The following ELAPOR2 variants were observed in gnomAD, a reference collection of about 807,000 sequenced individuals.
The protein encoded by ELAPOR2 is endosome-lysosome associated apoptosis and autophagy regulator family member 2.
Under a neutral mutation model 120.7 loss-of-function variants are expected in ELAPOR2, and 89 were observed. The observed-to-expected ratio is 0.74, with a 90% CI of 0.62 to 0.88. The LOEUF is 0.88. Ranked by LOEUF, ELAPOR2 falls within the 40% of genes least tolerant of loss-of-function variation. ELAPOR2 has a pLI of 0.00. For missense variants in ELAPOR2, 1,134 were observed against 1,251.6 expected, an observed-to-expected ratio of 0.91 and a Z score of 1.42; for synonymous variants, 444 against 444.9, an observed-to-expected ratio of 1.00 and a Z score of 0.03.
At chr7:86,941,513 C>G (rs1449850559) in intron 5 of ELAPOR2, 1 of 400,632 alleles carries the variant, frequency 2.5e-6, no homozygotes, top group African/African-American at 2.1e-5. Flanking sequence ...ACAGAGCTGT[C>G]CAACAAATGG....
intron 1 of ELAPOR2, among the ~76,000 whole-genome samples, chr7:87,040,745 G>A (rs377381080): frequency 3.9e-5 from 6 of 152,222 alleles, no homozygotes; most frequent in African/African-American, 9.6e-5. Context: ...CACCAGCAAC[G>A]GAACAAAGCT....
At chr7:87,019,002 A>C (rs987353790) in intron 1 of ELAPOR2, among the ~76,000 whole-genome samples, 10 of 152,240 alleles carry the variant, frequency 6.6e-5, no homozygotes, top group African/African-American at 2.4e-4. Flanking sequence ...AGCAAGGCAG[A>C]AACTTCTAGA....
intron 2 of ELAPOR2, among the ~76,000 whole-genome samples, chr7:86,955,418 T>C (rs1177236235): frequency 6.6e-6 from 1 of 152,044 alleles, no homozygotes; most frequent in Non-Finnish European, 1.5e-5. Context: ...GTAGTTTTCA[T>C]GTCAAAACAT....
Position 86,879,711 on chromosome 7 carries a change from T to C in ELAPOR2, c.*760A>G, listed in dbSNP as rs551300819. On this transcript the variant is annotated 3_prime_UTR_variant, in exon 22 of 22. Transcript: ENST00000450689. ...CATAAACTGTTTTAAGTCATTTGACTTCTATGATACTAGCAGCTAGTTTGC... is the reference window on the plus strand; with the variant it reads ...CATAAACTGTTTTAAGTCATTTGACCTCTATGATACTAGCAGCTAGTTTGC... The C allele has an allele frequency of 6.6e-6, 1 of 152,330 alleles. No individual in the cohort carries two copies. Among genetic ancestry groups the C allele is most frequent in the South Asian group, 2.1e-4 (1 of 4,826 alleles). 9.4% of individuals were successfully genotyped at this position (152,330 alleles called of 1,614,324 possible).
At chr7:86,901,044 G>C (rs186565343) in intron 18 of ELAPOR2, among the ~76,000 whole-genome samples, 3 of 152,074 alleles carry the variant, frequency 2.0e-5, no homozygotes, top group African/African-American at 7.2e-5. Flanking sequence ...TATAATTTTT[G>C]GTTTATGCAA....
At chr7:86,936,208 T>C (rs1161183076) in intron 8 of ELAPOR2, among the ~76,000 whole-genome samples, 5 of 151,962 alleles carry the variant, frequency 3.3e-5, no homozygotes, top group Non-Finnish European at 2.9e-5. Context: ...AAAATATCTA[T>C]TTATGTATTT....
intron 8 of ELAPOR2, among the ~76,000 whole-genome samples, chr7:86,932,738 T>C (rs1790385100): frequency 6.6e-6 from 1 of 151,984 alleles, no homozygotes; most frequent in Admixed American, 6.6e-5. Flanking sequence ...TTTTCCCCAC[T>C]TTAAATAGCT....
intron 7 of ELAPOR2, among the ~76,000 whole-genome samples, 177 bp downstream of exon 7, chr7:86,938,631 A>C (rs973169358): frequency 4.6e-5 from 7 of 152,076 alleles, no homozygotes; most frequent in African/African-American, 1.7e-4. Context: ...TATACTGGGG[A>C]AAGTCATGCA....
chr7:86,912,919 C>T, intron 14 of ELAPOR2, 22 bp downstream of exon 14: 1 of 1,609,932 alleles, frequency 6.2e-7, no homozygotes, highest in African/African-American at 1.3e-5. Context: ...CATGGGGATA[C>T]CTGAAATGCA....
chr7:86,924,374 T>TACACACACACAC lies in ELAPOR2; in HGVS notation c.1399+1142_1399+1153dup, dbSNP rs3057442. On this transcript the variant is annotated intron_variant, in intron 10 of 21. Coordinates refer to ENST00000450689, the MANE Select transcript of ELAPOR2 (RefSeq NM_001142749.3). ...CAGGTAATCTTTACTAGTAAGTGAA[T>TACACACACACAC]ACACACACACACACACACACACACA... 1.7e-3 allele frequency among the ~76,000 whole-genome samples: 245 copies of TACACACACACAC among 145,320 alleles called. 3 individuals are homozygous for TACACACACACAC. In the East Asian group the frequency reaches 0.024, roughly 14 times the overall value.
intron 1 of ELAPOR2, among the ~76,000 whole-genome samples, chr7:86,999,806 C>T (rs1793251658): frequency 6.6e-6 from 1 of 152,114 alleles, no homozygotes; most frequent in Non-Finnish European, 1.5e-5. Flanking sequence ...GGCTTGAAAT[C>T]ATTTGATGGC....
chr7:87,045,788 A>T (rs903245790), intron 1 of ELAPOR2, among the ~76,000 whole-genome samples: 7 of 151,314 alleles, frequency 4.6e-5, no homozygotes, highest in African/African-American at 1.5e-4. Context: ...AATATATATA[A>T]AAAAAGGAAC....
chr7:87,039,016 AAC>A (rs1253534402), intron 1 of ELAPOR2, among the ~76,000 whole-genome samples: 3 of 152,140 alleles, frequency 2.0e-5, no homozygotes, highest in African/African-American at 7.2e-5. Context: ...AAATTGACAA[AAC>A]TTTAGCTAGA....
chr7:87,052,891 G>T (rs1361280144), intron 1 of ELAPOR2, among the ~76,000 whole-genome samples: 5 of 152,068 alleles, frequency 3.3e-5, no homozygotes, highest in Non-Finnish European at 7.3e-5. Context: ...CAACCTCCCA[G>T]GTTCAATCAA....
intron 1 of ELAPOR2, among the ~76,000 whole-genome samples, chr7:86,981,851 G>C (rs1792503797): frequency 6.6e-6 from 1 of 152,206 alleles, no homozygotes; most frequent in Non-Finnish European, 1.5e-5. Context: ...AAAACAGAGT[G>C]GGGTATCACC....
intron 10 of ELAPOR2, among the ~76,000 whole-genome samples, chr7:86,924,258 A>C (rs1789956457): frequency 6.6e-6 from 1 of 151,980 alleles, no homozygotes. Context: ...TTAAAAATAG[A>C]CTCTCAGTAA....
chr7:87,019,993 T>C (rs761032146), intron 1 of ELAPOR2, among the ~76,000 whole-genome samples: 72 of 152,198 alleles, frequency 4.7e-4, no homozygotes, highest in Admixed American at 2.4e-3. Context: ...ACAATATTTT[T>C]AGTTTTTCAT....
At chr7:86,956,255 C>A (rs1250935931) in intron 2 of ELAPOR2, among the ~76,000 whole-genome samples, 1 of 152,106 alleles carries the variant, frequency 6.6e-6, no homozygotes. Flanking sequence ...TTGTGAAATT[C>A]TCAGAGAAGA....
intron 1 of ELAPOR2, among the ~76,000 whole-genome samples, chr7:86,987,897 C>T (rs115633160): frequency 0.22 from 32,742 of 151,986 alleles, 3,723 homozygotes; most frequent in African/African-American, 0.23. Context: ...TATATGCACA[C>T]TTATGTTTAT....
Sources: gnomAD v4.1 joint callset for allele counts (sites outside exome capture counted in the v4.1 genomes callset) on GRCh38, gnomAD v4.1.1 for gene constraint, MANE v1.5 for transcripts, NCBI Gene and HGNC (gene_info 2026-07-23, HGNC 2026-07-21) for gene names.